MRTFB: variants seen among roughly 807,000 people sequenced by gnomAD.
The protein encoded by MRTFB is myocardin related transcription factor B, also known as myocardin-related transcription factor B.
In MRTFB, 29 loss-of-function variants were observed where a neutral mutation model predicts 104.2. The ratio of observed to expected loss-of-function variants is 0.28; its 90% CI spans 0.21 to 0.38. The LOEUF is 0.38. Ranked by LOEUF, MRTFB falls within the 10% of genes least tolerant of loss-of-function variation. The pLI is 1.00. For synonymous variants in MRTFB, 535 were observed against 519.5 expected, an observed-to-expected ratio of 1.03 and a Z score of -0.41; for missense variants, 1,270 against 1,341.6, an observed-to-expected ratio of 0.95 and a Z score of 0.83.
chr16:14,156,648 G>A (rs1397086137), intron 3 of MRTFB, among the ~76,000 whole-genome samples: 1 of 152,146 alleles, frequency 6.6e-6, no homozygotes, highest in Non-Finnish European at 1.5e-5. Context: ...AAGCCTCAAG[G>A]AGGAAAGGTT....
chr16:14,109,585 A>G (rs549206210), intron 2 of MRTFB, among the ~76,000 whole-genome samples: 5 of 152,326 alleles, frequency 3.3e-5, no homozygotes, highest in African/African-American at 9.6e-5. Flanking sequence ...CAGCTTGCCA[A>G]AGTCCGTGGT....
At chr16:14,055,445 G>C in the MRTFB span, among the ~76,000 whole-genome samples, 5 of 152,188 alleles carry the variant, frequency 3.3e-5, no homozygotes, top group African/African-American at 1.2e-4. Context: ...TCCCTCTAAT[G>C]ACCTGTTTCT....
At chr16:14,230,223 C>A (rs1357483110) in intron 8 of MRTFB, among the ~76,000 whole-genome samples, 1 of 152,064 alleles carries the variant, frequency 6.6e-6, no homozygotes, top group Non-Finnish European at 1.5e-5. Flanking sequence ...TAGGCATGGG[C>A]GAGGACTTCA....
In MRTFB at chr16:14,266,736, T is replaced by C. The variant is rs2151500570; in HGVS notation, c.*5292T>C. ...GAAATGTTTGATATCTCAGCAATTT[T>C]GCATTTTTGTGTCTCAAATAAAAGA... is the stretch of plus-strand genomic sequence containing the variant. On this transcript the variant is annotated 3_prime_UTR_variant, in exon 17 of 17. Coordinates refer to ENST00000571589, the MANE Select transcript of MRTFB (RefSeq NM_001308142.2). The C allele has an allele frequency of 6.6e-6, 1 of 152,378 alleles. No homozygotes were observed. Among genetic ancestry groups the C allele is most frequent in the African/African-American group, 2.4e-5 (1 of 41,586 alleles). The allele number at this position is 152,378 out of a possible 1,614,324, so 9.4% of individuals were successfully genotyped here.
chr16:14,139,675 C>A (rs984046282), intron 2 of MRTFB, among the ~76,000 whole-genome samples: 1 of 152,140 alleles, frequency 6.6e-6, no homozygotes, highest in African/African-American at 2.4e-5. Flanking sequence ...ATATAGATAC[C>A]TGTACGGGAG....
intron 2 of MRTFB, among the ~76,000 whole-genome samples, chr16:14,088,874 C>A (rs971171150): frequency 3.3e-5 from 5 of 152,186 alleles, no homozygotes; most frequent in African/African-American, 1.2e-4. Flanking sequence ...TTCTGATAAC[C>A]ATTTTTCTTT....
In MRTFB at chr16:14,252,453, A is replaced by G. The variant is rs1214420947; in HGVS notation, c.2654A>G (p.Tyr885Cys). The change falls in exon 15 of 17, where the codon TAT becomes TGT. Residue 885 changes from tyrosine to cysteine, a missense_variant. Physicochemically the swap from Tyr to Cys is radical, Grantham distance 194. Coordinates refer to ENST00000571589, the MANE Select transcript of MRTFB (RefSeq NM_001308142.2). ...PVAKTKDPPR[Y>C]EEAIKQTRST... The stretch of plus-strand genomic sequence containing the variant: ...GCCAAGACAAAAGATCCCCCCCGCT[A>G]TGAGGAGGCCATCAAGCAGACACGC... 1 of 1,613,338 alleles carries G rather than the reference A, an allele frequency of 6.2e-7. No homozygotes were observed. Among genetic ancestry groups the G allele is most frequent in the Non-Finnish European group, 8.5e-7 (1 of 1,179,870 alleles).
chr16:14,119,195 A>G (rs2036707883), intron 2 of MRTFB, among the ~76,000 whole-genome samples: 1 of 152,226 alleles, frequency 6.6e-6, no homozygotes, highest in South Asian at 2.1e-4. Context: ...ACGTGGTTGA[A>G]GATTTATGGA....
At chr16:14,183,996 T>A (rs1213720270) in intron 3 of MRTFB, among the ~76,000 whole-genome samples, 1 of 149,514 alleles carries the variant, frequency 6.7e-6, no homozygotes, top group African/African-American at 2.5e-5. Flanking sequence ...TAGTTGTGCA[T>A]CTACTGAGAT....
At chr16:14,170,146 A>T (rs2142985062) in intron 3 of MRTFB, 1 of 152,310 alleles carries the variant, frequency 6.6e-6, no homozygotes, top group Non-Finnish European at 1.5e-5. Flanking sequence ...TACAGTGAAC[A>T]TTCCTCCATG....
intron 2 of MRTFB, among the ~76,000 whole-genome samples, chr16:14,132,607 A>C (rs1472914207): frequency 2.0e-5 from 3 of 152,248 alleles, no homozygotes; most frequent in African/African-American, 7.2e-5. Context: ...ATTTTACAAG[A>C]AGTTAAACAG....
At chr16:14,167,946 C>T (rs778363456) in intron 3 of MRTFB, among the ~76,000 whole-genome samples, 7 of 152,160 alleles carry the variant, frequency 4.6e-5, no homozygotes, top group African/African-American at 7.2e-5. Flanking sequence ...CTCAGCCTTC[C>T]GGAGTGCTGA....
Position 14,165,396 on chromosome 16 carries a change from G to T in MRTFB, c.154+24636G>T, listed in dbSNP as rs146778062. 5.7e-3 allele frequency among the ~76,000 whole-genome samples: 871 copies of T among 152,158 alleles called. 12 individuals are homozygous for T. Among genetic ancestry groups the T allele is most frequent in the Non-Finnish European group, 5.9e-3 (401 of 68,014 alleles). ...TGATCTTTCTGATGTATGTATTTAG[G>T]CATGCCACTCTTGTCTGCAGTTCTT... On this transcript the variant is annotated intron_variant, in intron 3 of 16. Transcript: ENST00000571589.
At chr16:14,187,238 G>T (rs1182424131) in intron 3 of MRTFB, among the ~76,000 whole-genome samples, 1 of 152,186 alleles carries the variant, frequency 6.6e-6, no homozygotes, top group Non-Finnish European at 1.5e-5. Context: ...GAACTGTAGG[G>T]CTTTTGCAGT....
At chr16:14,135,753 T>C (rs1429412851) in intron 2 of MRTFB, among the ~76,000 whole-genome samples, 1 of 152,208 alleles carries the variant, frequency 6.6e-6, no homozygotes, top group African/African-American at 2.4e-5. Context: ...GTTTTTAGAG[T>C]CCACATTCCT....
chr16:14,036,284 TTTTATATATA>T, the MRTFB span, among the ~76,000 whole-genome samples: 1 of 72,352 alleles, frequency 1.4e-5, no homozygotes, highest in South Asian at 6.1e-4. Context: ...TTTATATGTA[TTTTATATATA>T]TTTATATATA....
At chr16:14,025,829 G>A in the MRTFB span, among the ~76,000 whole-genome samples, 3 of 152,206 alleles carry the variant, frequency 2.0e-5, no homozygotes, top group East Asian at 5.8e-4. Flanking sequence ...CCATATATTA[G>A]CAATGAACAA....
intron 2 of MRTFB, among the ~76,000 whole-genome samples, chr16:14,081,050 C>T: frequency 6.6e-6 from 1 of 152,146 alleles, no homozygotes; most frequent in Non-Finnish European, 1.5e-5. Context: ...ATGGTAGTTT[C>T]ATTTTTAATT....
chr16:14,117,020 G>A (rs1366802428), intron 2 of MRTFB, among the ~76,000 whole-genome samples: 1 of 152,160 alleles, frequency 6.6e-6, no homozygotes, highest in Non-Finnish European at 1.5e-5. Context: ...CAGCTCTCTC[G>A]GGACATGGCA....
Sources: gnomAD v4.1 joint callset for allele counts (sites outside exome capture counted in the v4.1 genomes callset) on GRCh38, gnomAD v4.1.1 for gene constraint, MANE v1.5 for transcripts, NCBI Gene and HGNC (gene_info 2026-07-23, HGNC 2026-07-21) for gene names.